Variants in RALGPS2 observed in about 807,000 individuals in gnomAD.
The protein encoded by RALGPS2 is Ral GEF with PH domain and SH3 binding motif 2, also known as ras-specific guanine nucleotide-releasing factor RalGPS2.
In RALGPS2, 43 loss-of-function variants were observed where a neutral mutation model predicts 86.8. The observed-to-expected ratio is 0.50, with a 90% CI of 0.39 to 0.64. The LOEUF is 0.64. RALGPS2 is among the 30% of genes least tolerant of loss of function. RALGPS2 has a pLI of 0.00. For synonymous variants in RALGPS2, 243 were observed against 231.3 expected (o/e 1.05, Z -0.46); for missense variants, 536 against 694.6 (o/e 0.77, Z 2.57).
At chr1:178,875,762 TA>T (rs891735794) in intron 8 of RALGPS2, among the ~76,000 whole-genome samples, 7 of 151,032 alleles carry the variant, frequency 4.6e-5, no homozygotes, top group South Asian at 2.1e-4. Flanking sequence ...AAAAATGGTT[TA>T]AAAAAAAATA....
At chr1:178,744,546 A>T (rs1043606327) in intron 1 of RALGPS2, among the ~76,000 whole-genome samples, 28 of 152,216 alleles carry the variant, frequency 1.8e-4, no homozygotes, top group African/African-American at 6.8e-4. Context: ...TTGGTGGCTC[A>T]TGCCTGTAAT....
At chr1:178,865,862 T>C (rs1658372136) in intron 8 of RALGPS2, 1 of 1,014,906 alleles carries the variant, frequency 9.9e-7, no homozygotes, top group Admixed American at 2.6e-5. Flanking sequence ...TAATCTATGT[T>C]AAAGTCAGTA....
At chr1:178,814,911 C>T (rs1050113225) in intron 6 of RALGPS2, among the ~76,000 whole-genome samples, 3 of 152,134 alleles carry the variant, frequency 2.0e-5, no homozygotes, top group Admixed American at 6.5e-5. Context: ...TGAAATTTAT[C>T]TCATTTTAGT....
chr1:178,856,234 T>TACAC (rs1368301659), intron 8 of RALGPS2, among the ~76,000 whole-genome samples: 13 of 128,778 alleles, frequency 1.0e-4, no homozygotes, highest in African/African-American at 3.8e-4. Flanking sequence ...TATATATATA[T>TACAC]GGTTTTGGGT....
chr1:178,903,703 A>C (rs993055924), intron 18 of RALGPS2, among the ~76,000 whole-genome samples: 11 of 152,314 alleles, frequency 7.2e-5, no homozygotes, highest in African/African-American at 2.6e-4. Flanking sequence ...ATGGCTGTGT[A>C]GTATTCTATC....
At chr1:178,750,730 G>C (rs1174422769) in intron 1 of RALGPS2, among the ~76,000 whole-genome samples, 1 of 152,124 alleles carries the variant, frequency 6.6e-6, no homozygotes, top group Non-Finnish European at 1.5e-5. Context: ...TGCTCCTTCT[G>C]CATTTAAGGT....
At chr1:178,853,962 C>T (rs1405709349) in intron 8 of RALGPS2, among the ~76,000 whole-genome samples, 1 of 151,848 alleles carries the variant, frequency 6.6e-6, no homozygotes, top group Admixed American at 6.6e-5. Flanking sequence ...CTATCTGGAA[C>T]ATTAATTTGT....
intron 1 of RALGPS2, among the ~76,000 whole-genome samples, chr1:178,741,996 C>A (rs993747265): frequency 6.6e-6 from 1 of 151,856 alleles, no homozygotes; most frequent in African/African-American, 2.4e-5. Context: ...ATTAGCCGGG[C>A]ATGGTGACGC....
At chr1:178,817,639 G>C (rs1655297429) in intron 6 of RALGPS2, among the ~76,000 whole-genome samples, 1 of 152,048 alleles carries the variant, frequency 6.6e-6, no homozygotes, top group African/African-American at 2.4e-5. Flanking sequence ...GAAGTAGCTT[G>C]TCAATTTCTA....
At chr1:178,781,334 A>G (rs1653384440) in intron 2 of RALGPS2, among the ~76,000 whole-genome samples, 1 of 152,198 alleles carries the variant, frequency 6.6e-6, no homozygotes, top group Non-Finnish European at 1.5e-5. Context: ...AATTTCTTAT[A>G]GAAGTGATAA....
chr1:178,749,892 C>G (rs1297193717), intron 1 of RALGPS2, among the ~76,000 whole-genome samples: 1 of 152,068 alleles, frequency 6.6e-6, no homozygotes, highest in Non-Finnish European at 1.5e-5. Flanking sequence ...CTCAGGAGTT[C>G]AAGACCAGCC....
At chr1:178,856,229 A>ATG (rs1311724119) in intron 8 of RALGPS2, among the ~76,000 whole-genome samples, 1 of 130,804 alleles carries the variant, frequency 7.6e-6, no homozygotes, top group East Asian at 2.0e-4. Flanking sequence ...ATATATATAT[A>ATG]TATATGGTTT....
intron 1 of RALGPS2, among the ~76,000 whole-genome samples, chr1:178,757,940 A>G (rs769160295): frequency 1.3e-5 from 2 of 151,584 alleles, no homozygotes; most frequent in Non-Finnish European, 2.9e-5. Flanking sequence ...GTTGGTAGGT[A>G]TTTTATTACT....
intron 8 of RALGPS2, chr1:178,853,014 C>T (rs2102296246): frequency 1.3e-6 from 2 of 1,537,488 alleles, no homozygotes; most frequent in Admixed American, 2.1e-5. Flanking sequence ...AACATTTTTA[C>T]AGAGCAGTGT....
chr1:178,760,802 T>G (rs1296583247), intron 1 of RALGPS2, among the ~76,000 whole-genome samples: 1 of 152,200 alleles, frequency 6.6e-6, no homozygotes, highest in African/African-American at 2.4e-5. Context: ...TCACAGGTGC[T>G]CTGGATTTCT....
intron 1 of RALGPS2, among the ~76,000 whole-genome samples, chr1:178,742,189 A>AT (rs1024407249): frequency 6.6e-6 from 1 of 152,062 alleles, no homozygotes; most frequent in Non-Finnish European, 1.5e-5. Context: ...GATTAAAAAA[A>AT]CAAGAGTTAA....
chr1:178,868,089 A>T (rs1278358252), intron 8 of RALGPS2, among the ~76,000 whole-genome samples: 2 of 152,016 alleles, frequency 1.3e-5, no homozygotes, highest in South Asian at 2.1e-4. Context: ...GCTGACTGAT[A>T]GCCAAAGCAC....
At chr1:178,727,797 T>G (rs1650111539) in intron 1 of RALGPS2, among the ~76,000 whole-genome samples, 1 of 152,092 alleles carries the variant, frequency 6.6e-6, no homozygotes, top group Non-Finnish European at 1.5e-5. Flanking sequence ...GCCAGTTAGT[T>G]CCCTAGAGGT....
At chr1:178,730,184 C>T (rs547153140) in intron 1 of RALGPS2, among the ~76,000 whole-genome samples, 22 of 152,236 alleles carry the variant, frequency 1.4e-4, no homozygotes, top group South Asian at 6.2e-4. Context: ...GTGATCCACC[C>T]GTTCTCCCTG....
Sources: gnomAD v4.1 joint callset for allele counts (sites outside exome capture counted in the v4.1 genomes callset) on GRCh38, gnomAD v4.1.1 for gene constraint, MANE v1.5 for transcripts, NCBI Gene and HGNC (gene_info 2026-07-23, HGNC 2026-07-21) for gene names.